IL33: variants seen among roughly 807,000 people sequenced by gnomAD.
IL33 encodes the protein interleukin 33.
In IL33, 37 loss-of-function variants were observed where a neutral mutation model predicts 27.3. That is an observed-to-expected ratio of 1.36 (90% CI 1.04 to 1.78). IL33 has a LOEUF of 1.78. IL33 is among the 40% of genes most tolerant of loss of function. The probability of loss-of-function intolerance (pLI) is 0.00; values close to 1 mark genes in which losing one functional copy is unlikely to be tolerated. For missense variants in IL33, 406 were observed against 311.4 expected (o/e 1.30, Z -2.29); for synonymous variants, 132 against 102.9 (o/e 1.28, Z -1.71).
chr9:6,255,902 A>T, intron 7 of IL33, 66 bp from the exon 8 acceptor site: 1 of 1,261,378 alleles, frequency 7.9e-7, no homozygotes, highest in Non-Finnish European at 1.2e-6. Flanking sequence ...TTTCCAATAC[A>T]GGCAGGTAAA....
intron 1 of IL33, among the ~76,000 whole-genome samples, chr9:6,236,018 T>TAAACAC (rs1819184261): frequency 7.2e-6 from 1 of 139,700 alleles, no homozygotes; most frequent in Non-Finnish European, 1.6e-5. Flanking sequence ...CCCACACCCA[T>TAAACAC]ACACACACAC....
At chr9:6,243,487 G>T (rs776540797) in intron 2 of IL33, among the ~76,000 whole-genome samples, 6 of 152,114 alleles carry the variant, frequency 3.9e-5, no homozygotes, top group Non-Finnish European at 8.8e-5. Context: ...CCAAGTAGCT[G>T]GAATTACAGG....
intron 1 of IL33, among the ~76,000 whole-genome samples, chr9:6,220,845 CG>C (rs1046628165): frequency 6.6e-6 from 1 of 152,100 alleles, no homozygotes. Context: ...CCTTGACATC[CG>C]GGGCTCAGGC....
intron 6 of IL33, 71 bp from the exon 7 acceptor site, chr9:6,254,376 AGACTTTTTTCCTGGG>A: frequency 1.3e-6 from 1 of 781,502 alleles, no homozygotes; most frequent in Non-Finnish European, 1.9e-6. Context: ...GTAACATCTT[AGACTTTTTTCCTGGG>A]TGTTGAATTC....
At chr9:6,243,282 C>T (rs1055910893) in intron 2 of IL33, among the ~76,000 whole-genome samples, 1 of 152,154 alleles carries the variant, frequency 6.6e-6, no homozygotes, top group African/African-American at 2.4e-5. Flanking sequence ...AGCTATAGCT[C>T]TGAGATTAAA....
At chr9:6,252,070 AC>A (rs1816415249) in intron 4 of IL33, among the ~76,000 whole-genome samples, 2 of 94,724 alleles carry the variant, frequency 2.1e-5, no homozygotes, top group African/African-American at 4.6e-5. Context: ...AAAAAACCCA[AC>A]AAAAAACAAA....
At chr9:6,254,704 A>G (rs991348415) in intron 7 of IL33, 151 bp downstream of exon 7, 32 of 385,100 alleles carry the variant, frequency 8.3e-5, no homozygotes, top group Non-Finnish European at 1.8e-5. Context: ...ACTTACTACA[A>G]ATGACTTGCT....
At chr9:6,236,350 G>A (rs928414) in intron 1 of IL33, among the ~76,000 whole-genome samples, 93,342 of 152,022 alleles carry the variant, frequency 0.61, 29,782 homozygotes, top group Admixed American at 0.73. Flanking sequence ...GATCTACCAC[G>A]CATACACTTT....
chr9:6,254,040 T>C (rs1564075668), intron 6 of IL33, among the ~76,000 whole-genome samples: 1 of 152,170 alleles, frequency 6.6e-6, no homozygotes, highest in African/African-American at 2.4e-5. Flanking sequence ...AACCTAGAAG[T>C]TGCACCTAAC....
At chr9:6,251,016 G>A (rs1159929378) in intron 3 of IL33, 124 bp from the exon 4 acceptor site, 11 of 1,263,496 alleles carry the variant, frequency 8.7e-6, no homozygotes, top group Non-Finnish European at 9.8e-6. Flanking sequence ...TTTGGACCAT[G>A]AAGTGGCCAA....
At chr9:6,232,038 C>A (rs1325116007) in intron 1 of IL33, among the ~76,000 whole-genome samples, 1 of 152,192 alleles carries the variant, frequency 6.6e-6, no homozygotes, top group Non-Finnish European at 1.5e-5. Flanking sequence ...GAAAGTCCAA[C>A]AGCCAACTTA....
At chr9:6,235,272 T>C (rs1349246562) in intron 1 of IL33, among the ~76,000 whole-genome samples, 3 of 152,204 alleles carry the variant, frequency 2.0e-5, no homozygotes, top group African/African-American at 7.2e-5. Context: ...CTTGAACTCC[T>C]GGCCTCAAGT....
intron 1 of IL33, among the ~76,000 whole-genome samples, chr9:6,238,932 A>G (rs1362086374): frequency 6.6e-6 from 1 of 152,184 alleles, no homozygotes; most frequent in East Asian, 1.9e-4. Flanking sequence ...ATATTTTTTC[A>G]GTACGATACA....
At chr9:6,221,070 CCTTTAGTAATATT>C (rs1818392164) in intron 1 of IL33, among the ~76,000 whole-genome samples, 1 of 152,072 alleles carries the variant, frequency 6.6e-6, no homozygotes, top group Admixed American at 6.6e-5. Context: ...TGTTAAGTTT[CCTTTAGTAATATT>C]TCATTCTAAA....
chr9:6,257,122 T>C lies in IL33; in HGVS notation c.*954T>C, dbSNP rs1280011223. On this transcript the variant is annotated 3_prime_UTR_variant, in exon 8 of 8. Transcript: ENST00000682010. ...GAGACACCGAATTAACATTAAAATT[T>C]CAGTAACTGACTGTCCCTCATGTCC... 2 of 152,154 alleles carry C rather than the reference T, an allele frequency of 1.3e-5. No individual in the cohort carries two copies. Among genetic ancestry groups the C allele is most frequent in the East Asian group, 3.8e-4 (2 of 5,198 alleles). 9.4% of individuals were successfully genotyped at this position (152,154 alleles called of 1,614,324 possible).
intron 1 of IL33, among the ~76,000 whole-genome samples, chr9:6,224,408 T>C (rs1818544413): frequency 2.0e-5 from 3 of 152,206 alleles, no homozygotes; most frequent in Admixed American, 2.0e-4. Flanking sequence ...TGAAGATGGG[T>C]ATCAAAATCC....
At chr9:6,232,484 C>T (rs1245709096) in intron 1 of IL33, among the ~76,000 whole-genome samples, 1 of 152,250 alleles carries the variant, frequency 6.6e-6, no homozygotes. Flanking sequence ...GTCATTTCCT[C>T]TGGGATGTTC....
chr9:6,244,296 C>G (rs1351294660), intron 2 of IL33, among the ~76,000 whole-genome samples: 1 of 152,162 alleles, frequency 6.6e-6, no homozygotes. Context: ...TGGCCCTTAA[C>G]AGATCTTTCT....
At chr9:6,249,045 G>A (rs1345084001) in intron 2 of IL33, among the ~76,000 whole-genome samples, 1 of 152,156 alleles carries the variant, frequency 6.6e-6, no homozygotes, top group Non-Finnish European at 1.5e-5. Context: ...ATCTTTGTAA[G>A]TGTAAAAGCA....
Sources: allele counts gnomAD v4.1 joint callset (sites outside exome capture counted in the v4.1 genomes callset), GRCh38; gene constraint gnomAD v4.1.1; transcripts MANE v1.5; gene names NCBI Gene and HGNC (gene_info 2026-07-23, HGNC 2026-07-21).